The following GAS2L3 variants were observed in gnomAD, a reference collection of about 807,000 sequenced individuals.
GAS2L3 encodes the protein GAS2-like protein 3.
A neutral mutation model predicts 37.0 loss-of-function variants in GAS2L3; 28 were observed. The ratio of observed to expected loss-of-function variants is 0.76; its 90% CI spans 0.56 to 1.04. The LOEUF (loss-of-function observed/expected upper bound fraction) is 1.04. Ranked by LOEUF, GAS2L3 falls within the 50% of genes least tolerant of loss-of-function variation. The probability of loss-of-function intolerance (pLI) is 0.00; values close to 1 mark genes in which losing one functional copy is unlikely to be tolerated. For synonymous variants in GAS2L3, 290 were observed against 296.6 expected (o/e 0.98, Z 0.23); for missense variants, 793 against 817.6 (o/e 0.97, Z 0.37).
At chr12:100,607,019 C>T (rs975460899) in intron 5 of GAS2L3, among the ~76,000 whole-genome samples, 2 of 152,102 alleles carry the variant, frequency 1.3e-5, no homozygotes, top group African/African-American at 2.4e-5. Flanking sequence ...AAGATTTATA[C>T]GATCTGAAGG....
intron 3 of GAS2L3, among the ~76,000 whole-genome samples, chr12:100,596,691 C>T (rs1955917224): frequency 6.6e-6 from 1 of 152,216 alleles, no homozygotes; most frequent in Admixed American, 6.5e-5. Flanking sequence ...TCTTGCCATT[C>T]ATCTGTGTCC....
In GAS2L3 at chr12:100,600,425, T is replaced by C. The variant is rs748094570; in HGVS notation, c.62T>C (p.Leu21Pro). 3.7e-5 allele frequency: 59 copies of C among 1,609,508 alleles called. No individual in the cohort carries two copies. The South Asian group carries it at 6.5e-4, about 18-fold the overall frequency. The change falls in exon 4 of 10, where the codon CTG (leucine) becomes CCG (proline). Residue 21 changes from leucine to proline, a missense_variant. Transcript: ENST00000547754. ...CTGCCTCTAAGTCCTCGGAGTCCTC[T>C]GACTCCCAGACACGGACCAGGATTG... is the stretch of plus-strand genomic sequence containing the variant. Reference protein sequence around the residue: ...EDLPLSPRSPLTPRHGPGLAN... With the variant: ...EDLPLSPRSPPTPRHGPGLAN...
At chr12:100,587,158 A>G (rs1015166116) in intron 1 of GAS2L3, among the ~76,000 whole-genome samples, 3 of 152,214 alleles carry the variant, frequency 2.0e-5, no homozygotes, top group Admixed American at 1.3e-4. Flanking sequence ...TCAAAGAAGA[A>G]TTGGTACCAA....
chr12:100,599,301 A>G (rs1379846808), intron 3 of GAS2L3, among the ~76,000 whole-genome samples: 1 of 152,210 alleles, frequency 6.6e-6, no homozygotes, highest in African/African-American at 2.4e-5. Flanking sequence ...ATAATCTTAC[A>G]TTAAAGAATA....
chr12:100,618,347 G>A, intron 7 of GAS2L3, 102 bp from the exon 8 acceptor site: 1 of 1,150,042 alleles, frequency 8.7e-7, no homozygotes, highest in Non-Finnish European at 1.2e-6. Context: ...TGGTAGAAGA[G>A]GATCATATAG....
rs1405182297 is a variant in GAS2L3, at chr12:100,624,010, C to T, written c.1205C>T (p.Ala402Val). ...AAACCGCAGGCTCCTTCAAACAATG[C>T]ATCATCTTCACTTGCTTCATTAAAT... is the stretch of plus-strand genomic sequence containing the variant. ...TKKPQAPSNN[A>V]SSSLASLNPV... The change falls in exon 10 of 10, where the codon GCA becomes GTA. Residue 402 changes from alanine to valine, a missense_variant. Ala to Val is a moderately conservative substitution (Grantham distance 64). Coordinates refer to ENST00000547754, the MANE Select transcript of GAS2L3 (RefSeq NM_174942.3). The T allele has an allele frequency of 6.2e-7, 1 of 1,613,580 alleles. No individual in the cohort carries two copies. Among genetic ancestry groups the T allele is most frequent in the East Asian group, 2.2e-5 (1 of 44,874 alleles).
intron 1 of GAS2L3, chr12:100,578,849 T>A (rs764553980): frequency 1.1e-5 from 8 of 723,278 alleles, no homozygotes; most frequent in Admixed American, 1.1e-4. Flanking sequence ...CCATAATATA[T>A]GTATGGCATC....
intron 8 of GAS2L3, 42 bp from the exon 9 acceptor site, chr12:100,622,233 T>C: frequency 9.1e-7 from 1 of 1,104,112 alleles, no homozygotes; most frequent in Non-Finnish European, 1.4e-6. Context: ...AACAAAATGC[T>C]TTTTGTGACA....
chr12:100,627,405 G>T lies in GAS2L3; in HGVS notation c.*2515G>T, dbSNP rs1045244174. 1.3e-5 allele frequency: 2 copies of T among 152,034 alleles called. No homozygotes were observed. The highest frequency in any genetic ancestry group is 4.8e-5 in the African/African-American group (2 of 41,414). The allele number at this position is 152,034 out of a possible 1,614,324, so 9.4% of individuals were successfully genotyped here. A position where few individuals can be genotyped will look rare whatever the true frequency, so the allele number is the denominator to read the frequency against. On this transcript the variant is annotated 3_prime_UTR_variant, in exon 10 of 10. Transcript: ENST00000547754. The stretch of plus-strand genomic sequence containing the variant: ...TTCTGCTGCCTCAGCCTCCTGAGTG[G>T]TTGGGATTACAGGCATCCACCACCA...
chr12:100,576,359 G>C (rs1338316596), intron 1 of GAS2L3, among the ~76,000 whole-genome samples: 5 of 152,108 alleles, frequency 3.3e-5, no homozygotes, highest in African/African-American at 1.2e-4. Flanking sequence ...GAAAGTAAGA[G>C]ATTAAACTTA....
Position 100,585,541 on chromosome 12 carries a change from AC to A in GAS2L3, c.-151-6193del, listed in dbSNP as rs571229572. On this transcript the variant is annotated intron_variant, in intron 1 of 9. Transcript: ENST00000547754. ...AGTGCTGAGATTACAGGCGTGAGCC[AC>A]CACACCCAGCCAACACAGCACTCTT... Among the ~76,000 whole-genome samples the A allele has an allele frequency of 8.3e-3, 1,268 of 152,236 alleles. 13 individuals are homozygous for A. The highest frequency in any genetic ancestry group is 0.012 in the Non-Finnish European group (812 of 68,016).
At chr12:100,587,204 G>A (rs1004868935) in intron 1 of GAS2L3, among the ~76,000 whole-genome samples, 11 of 152,194 alleles carry the variant, frequency 7.2e-5, no homozygotes, top group East Asian at 3.9e-4. Context: ...AGAGAAAGAA[G>A]GAACCCTCCC....
intron 3 of GAS2L3, among the ~76,000 whole-genome samples, chr12:100,598,181 C>A (rs1393865185): frequency 2.6e-5 from 4 of 152,132 alleles, no homozygotes; most frequent in Non-Finnish European, 4.4e-5. Flanking sequence ...TTCTGTACTA[C>A]CATTTAATAC....
chr12:100,624,453 C>T lies in GAS2L3; in HGVS notation c.1648C>T (p.Pro550Ser), dbSNP rs1452071194. ...TGGAGCCCCACAAGCAAAGCCAGTC[C>T]CAGCACAGAAACTTAAATCGGCCTT... Reference protein sequence around the residue: ...SDGAPQAKPVPAQKLKSALNL... With the variant: ...SDGAPQAKPVSAQKLKSALNL... The change falls in exon 10 of 10, where the codon CCA becomes TCA. Residue 550 changes from proline (P) to serine (S), a missense_variant. Transcript: ENST00000547754. The T allele has an allele frequency of 1.9e-6, 3 of 1,614,016 alleles. No homozygotes were observed. The highest frequency in any genetic ancestry group is 1.1e-5 in the South Asian group (1 of 91,078).
intron 5 of GAS2L3, among the ~76,000 whole-genome samples, chr12:100,604,859 G>A (rs549540723): frequency 7.4e-4 from 112 of 151,902 alleles, no homozygotes; most frequent in Admixed American, 2.0e-3. Flanking sequence ...TGATATATAC[G>A]GTTTTTATAC....
At chr12:100,607,400 T>A (rs1293973342) in intron 5 of GAS2L3, among the ~76,000 whole-genome samples, 2 of 152,164 alleles carry the variant, frequency 1.3e-5, no homozygotes, top group Non-Finnish European at 2.9e-5. Flanking sequence ...CTTGAGGTAG[T>A]GTTCTTTGGG....
intron 6 of GAS2L3, among the ~76,000 whole-genome samples, chr12:100,614,033 CT>C (rs1208321718): frequency 2.6e-5 from 4 of 152,160 alleles, no homozygotes; most frequent in African/African-American, 7.2e-5. Flanking sequence ...TCCACAACTA[CT>C]ATATCATTGC....
chr12:100,605,400 C>T (rs963557132), intron 5 of GAS2L3, among the ~76,000 whole-genome samples: 4 of 151,720 alleles, frequency 2.6e-5, no homozygotes, highest in African/African-American at 9.7e-5. Context: ...TTTTCTTAGT[C>T]TGACTTAAGG....
At chr12:100,589,189 C>G (rs113087371) in intron 1 of GAS2L3, among the ~76,000 whole-genome samples, 42 of 152,260 alleles carry the variant, frequency 2.8e-4, no homozygotes, top group African/African-American at 1.0e-3. Context: ...CGGCTCCCTC[C>G]GTTTAGGGTC....
Sources: gnomAD v4.1 joint callset for allele counts (sites outside exome capture counted in the v4.1 genomes callset) on GRCh38, gnomAD v4.1.1 for gene constraint, MANE v1.5 for transcripts, NCBI Gene and HGNC (gene_info 2026-07-23, HGNC 2026-07-21) for gene names.